The following CCDC125 variants were observed in gnomAD, a reference collection of about 807,000 sequenced individuals.
The protein encoded by CCDC125 is coiled-coil domain-containing protein 125.
Under a neutral mutation model 57.4 loss-of-function variants are expected in CCDC125, and 43 were observed. The observed-to-expected ratio is 0.75, with a 90% confidence interval of 0.59 to 0.97. The LOEUF is 0.97. Among genes scored for constraint, CCDC125 ranks in the 50% least tolerant of loss-of-function variants. The probability of loss-of-function intolerance (pLI) is 0.00; values close to 1 mark genes in which losing one functional copy is unlikely to be tolerated. For missense variants in CCDC125, 563 were observed against 595.7 expected (o/e 0.95, Z 0.57); for synonymous variants, 187 against 195.2 (o/e 0.96, Z 0.35).
At position 69,306,904 on chromosome 5, in the gene CCDC125, T is replaced by C; in HGVS notation, c.532-2A>G. The C allele has an allele frequency of 6.7e-7, 1 of 1,499,804 alleles. No individual in the cohort carries two copies. The highest frequency in any genetic ancestry group is 8.9e-7 in the Non-Finnish European group (1 of 1,128,882). 92.9% of individuals were successfully genotyped at this position (1,499,804 alleles called of 1,614,324 possible). Reference sequence around the variant, plus strand: ...TTCCCACTGCAAGGCATTTATTTCCTATGGAAAGAAAATAGTACCTTCATG... The same window carrying C: ...TTCCCACTGCAAGGCATTTATTTCCCATGGAAAGAAAATAGTACCTTCATG... On this transcript the variant is annotated splice_acceptor_variant, in intron 5 of 11. Transcript: ENST00000396496. LOFTEE classifies it high-confidence loss of function.
downstream of CCDC125, chr5:69,277,433 C>T (rs1752257132): frequency 4.1e-6 from 1 of 245,370 alleles, no homozygotes; most frequent in Non-Finnish European, 7.8e-6. Flanking sequence ...AGATCTGACC[C>T]ATATAGTATC....
At chr5:69,328,471 C>T (rs951186679) in intron 1 of CCDC125, among the ~76,000 whole-genome samples, 2 of 150,718 alleles carry the variant, frequency 1.3e-5, no homozygotes, top group Non-Finnish European at 3.0e-5. Context: ...AGAGTGAAAC[C>T]CCATCTCAAA....
chr5:69,317,241 C>A (rs1759260070), intron 2 of CCDC125, among the ~76,000 whole-genome samples: 1 of 152,062 alleles, frequency 6.6e-6, no homozygotes, highest in South Asian at 2.1e-4. Flanking sequence ...AAACTCCTGA[C>A]CTCATGATCC....
At chr5:69,285,701 A>G (rs1753229909) in intron 10 of CCDC125, among the ~76,000 whole-genome samples, 1 of 152,220 alleles carries the variant, frequency 6.6e-6, no homozygotes, top group African/African-American at 2.4e-5. Context: ...CAGGCCACAC[A>G]AGAACACAGT....
downstream of CCDC125, chr5:69,280,032 G>A (rs1752390120): frequency 6.6e-6 from 1 of 152,008 alleles, no homozygotes; most frequent in South Asian, 2.1e-4. Context: ...AGAACAGCAT[G>A]GGGGATACCA....
At chr5:69,299,161 C>G (rs1360131785) in intron 8 of CCDC125, among the ~76,000 whole-genome samples, 2 of 149,618 alleles carry the variant, frequency 1.3e-5, no homozygotes, top group Non-Finnish European at 1.5e-5. Flanking sequence ...CCAGGCCAGA[C>G]TGCAGTGGCG....
rs765032855 is a variant in CCDC125 at position 69,285,452 on chromosome 5, CT to C, written c.1114del (p.Arg372GlyfsTer37). 6.3e-7 allele frequency: 1 copy of C among 1,598,944 alleles called. No homozygotes were observed. The highest frequency in any genetic ancestry group is 1.4e-5 in the African/African-American group (1 of 74,014). ...HLKEDGFPSP[R>X]SKKTFGQRLL... ...TCTCTGCCCGAAGGTCTTCTTACTC[CT>C]TGGTGATGGAAATCCTAAAATTGAA... On this transcript the variant is annotated frameshift_variant, in exon 11 of 12. Coordinates refer to ENST00000396496, the MANE Select transcript of CCDC125 (RefSeq NM_176816.5). LOFTEE classifies it high-confidence loss of function.
At chr5:69,315,478 C>T (rs1168594969) in intron 2 of CCDC125, among the ~76,000 whole-genome samples, 2 of 104,638 alleles carry the variant, frequency 1.9e-5, no homozygotes, top group Non-Finnish European at 4.3e-5. Context: ...AAAAAAAGGC[C>T]AGGTGTGGTG....
At chr5:69,331,892 A>G (rs1761467246) in intron 1 of CCDC125, among the ~76,000 whole-genome samples, 1 of 152,198 alleles carries the variant, frequency 6.6e-6, no homozygotes, top group African/African-American at 2.4e-5. Flanking sequence ...GAATCTTTTT[A>G]ATAGTGCTTA....
chr5:69,273,655 G>GCAGA, the CCDC125 span, among the ~76,000 whole-genome samples: 5 of 152,278 alleles, frequency 3.3e-5, no homozygotes, highest in Admixed American at 3.3e-4. Context: ...ATAACTTAGG[G>GCAGA]CAGAGCACTG....
rs1400449423 is a variant in CCDC125, at chr5:69,280,893, C to G, written c.*1836G>C. On this transcript the variant is annotated 3_prime_UTR_variant, in exon 12 of 12. Transcript: ENST00000396496. ...CACAGCTCACTGCAGCCTCAAGCTCCTGGGCTCATGCCATCCTCCTGCCTC... is the reference window on the plus strand; with the variant it reads ...CACAGCTCACTGCAGCCTCAAGCTCGTGGGCTCATGCCATCCTCCTGCCTC... 1 of 152,378 alleles carries G rather than the reference C, an allele frequency of 6.6e-6. No individual in the cohort carries two copies. Among genetic ancestry groups the G allele is most frequent in the Non-Finnish European group, 1.5e-5 (1 of 68,182 alleles). 9.4% of individuals were successfully genotyped at this position (152,378 alleles called of 1,614,324 possible). A position where few individuals can be genotyped will look rare whatever the true frequency, so the allele number is the denominator to read the frequency against.
downstream of CCDC125, chr5:69,276,595 AGCT>A (rs1561382778): frequency 6.2e-7 from 1 of 1,613,928 alleles, no homozygotes; most frequent in African/African-American, 1.3e-5. Flanking sequence ...CCTGGATGTC[AGCT>A]GCCAAGACCA....
At chr5:69,315,449 AC>A (rs1561468081) in intron 2 of CCDC125, among the ~76,000 whole-genome samples, 315 of 7,642 alleles carry the variant, frequency 0.041, 32 homozygotes, top group African/African-American at 0.044. Flanking sequence ...AAAAAAAAAA[AC>A]AAAAAAAAAA....
At chr5:69,311,331 C>T (rs1758103620) in intron 3 of CCDC125, 127 bp from the exon 4 acceptor site, 3 of 558,330 alleles carry the variant, frequency 5.4e-6, no homozygotes, top group African/African-American at 1.9e-5. Flanking sequence ...TTCTTCTAGA[C>T]TTAGTGAGTG....
chr5:69,291,965 T>C (rs1754529127), intron 10 of CCDC125, among the ~76,000 whole-genome samples: 1 of 152,206 alleles, frequency 6.6e-6, no homozygotes. Flanking sequence ...AAAATAAATA[T>C]TCCTGTTATG....
chr5:69,302,501 G>A lies in CCDC125; in HGVS notation c.700+1346C>T, dbSNP rs560792536. Among the ~76,000 whole-genome samples the A allele has an allele frequency of 1.2e-4, 18 of 149,000 alleles. No homozygotes were observed. The East Asian group carries it at 2.2e-3, about 18-fold the overall frequency. Reference sequence around the variant, plus strand: ...AGCACTTTGGGAGGCTGAGGCGGGCGGATCACGAGGTCAGGAGATTGAGAC... The same window carrying A: ...AGCACTTTGGGAGGCTGAGGCGGGCAGATCACGAGGTCAGGAGATTGAGAC... On this transcript the variant is annotated intron_variant, in intron 7 of 11. Transcript: ENST00000396496.
At chr5:69,319,813 G>C (rs1759730429) in intron 2 of CCDC125, among the ~76,000 whole-genome samples, 1 of 151,656 alleles carries the variant, frequency 6.6e-6, no homozygotes, top group Non-Finnish European at 1.5e-5. Context: ...CCAATCCCAA[G>C]AGATGAATAA....
intron 1 of CCDC125, among the ~76,000 whole-genome samples, chr5:69,330,558 C>T (rs148995002): frequency 0.014 from 2,151 of 151,704 alleles, 46 homozygotes; most frequent in African/African-American, 0.049. Flanking sequence ...TGCACCACTG[C>T]ACTCCAGCCT....
chr5:69,298,663 C>G (rs1755826707), intron 8 of CCDC125, among the ~76,000 whole-genome samples: 1 of 152,198 alleles, frequency 6.6e-6, no homozygotes, highest in Admixed American at 6.5e-5. Flanking sequence ...CCTCAGTGCT[C>G]CCTCACCAGC....
Sources: allele counts gnomAD v4.1 joint callset (sites outside exome capture counted in the v4.1 genomes callset), GRCh38; gene constraint gnomAD v4.1.1; transcripts MANE v1.5; gene names NCBI Gene and HGNC (gene_info 2026-07-23, HGNC 2026-07-21).